Variants in DNAJC17 observed in about 807,000 individuals in gnomAD.
The protein encoded by DNAJC17 is dnaJ homolog subfamily C member 17.
A neutral mutation model predicts 48.1 loss-of-function variants in DNAJC17; 35 were observed. The observed-to-expected ratio is 0.73, with a 90% CI of 0.56 to 0.96. The LOEUF (loss-of-function observed/expected upper bound fraction) is 0.96, where lower values mean the gene tolerates loss of function less well. DNAJC17 is among the 50% of genes least tolerant of loss of function. The probability of loss-of-function intolerance (pLI) is 0.00; values close to 1 mark genes in which losing one functional copy is unlikely to be tolerated. For synonymous variants in DNAJC17, 117 were observed against 142.7 expected, an observed-to-expected ratio of 0.82 and a Z score of 1.28; for missense variants, 355 against 377.1, an observed-to-expected ratio of 0.94 and a Z score of 0.48.
intron 1 of DNAJC17, among the ~76,000 whole-genome samples, chr15:40,798,563 G>A (rs2141962945): frequency 6.6e-6 from 1 of 152,314 alleles, no homozygotes; most frequent in South Asian, 2.1e-4. Context: ...GAGGACTGAT[G>A]TGGCTGGAGC....
chr15:40,787,684 A>G (rs890975822), intron 1 of DNAJC17, among the ~76,000 whole-genome samples: 1 of 152,114 alleles, frequency 6.6e-6, no homozygotes, highest in South Asian at 2.1e-4. Context: ...CTGAACCCAG[A>G]GCAGGGGAGG....
chr15:40,807,182 C>G, intron 1 of DNAJC17, 187 bp downstream of exon 1: 1 of 1,426,404 alleles, frequency 7.0e-7, no homozygotes, highest in Non-Finnish European at 9.3e-7. Context: ...ACCCCGCTTC[C>G]TCTTGAGGCC....
At chr15:40,789,320 G>A (rs776530434) in intron 1 of DNAJC17, among the ~76,000 whole-genome samples, 13 of 144,350 alleles carry the variant, frequency 9.0e-5, no homozygotes, top group Non-Finnish European at 1.4e-4. Context: ...CCATCCCCCC[G>A]GATCTCATCT....
chr15:40,795,043 T>C (rs1889912485), intron 1 of DNAJC17, among the ~76,000 whole-genome samples: 1 of 151,976 alleles, frequency 6.6e-6, no homozygotes, highest in Admixed American at 6.6e-5. Context: ...TTTAGCCGAC[T>C]CTTGCTCCTC....
chr15:40,774,584 G>A lies in DNAJC17; in HGVS notation c.601-148C>T, dbSNP rs192475171. On this transcript the variant is annotated intron_variant, in intron 8 of 10. Coordinates refer to ENST00000220496, the MANE Select transcript of DNAJC17 (RefSeq NM_018163.3). ...TGCCCCACCTACTTATCTTAGTGAA[G>A]TGAGATCAGAGATAGGAAAGAAAGA... 87 of 838,998 alleles carry A rather than the reference G, an allele frequency of 1.0e-4. No homozygotes were observed. The East Asian group carries it at 2.1e-3, about 21-fold the overall frequency. The allele number at this position is 838,998 out of a possible 1,614,324, so 52.0% of individuals were successfully genotyped here. A position where few individuals can be genotyped will look rare whatever the true frequency, so the allele number is the denominator to read the frequency against.
chr15:40,775,755 G>A, intron 6 of DNAJC17, 159 bp from the exon 7 acceptor site: 1 of 736,660 alleles, frequency 1.4e-6, no homozygotes, highest in Non-Finnish European at 2.2e-6. Context: ...GAAAGCAGAT[G>A]CCCATCCCCA....
chr15:40,805,375 CAAAAAAAAAA>C (rs559577744), intron 1 of DNAJC17, among the ~76,000 whole-genome samples: 1 of 107,888 alleles, frequency 9.3e-6, no homozygotes. Context: ...TACTCTGTCT[CAAAAAAAAAA>C]AAAAAAAAAA....
intron 1 of DNAJC17, among the ~76,000 whole-genome samples, chr15:40,791,409 A>G (rs1479213745): frequency 6.6e-6 from 1 of 151,516 alleles, no homozygotes; most frequent in African/African-American, 2.4e-5. Flanking sequence ...GTGCCTGTAG[A>G]CCCAGCTACT....
rs1404060550 is a variant in DNAJC17, at chr15:40,774,450, G to T, written c.601-14C>A. On this transcript the variant is annotated splice_polypyrimidine_tract_variant and intron_variant, in intron 8 of 10. Transcript: ENST00000220496. ...AACCTCACCATACTGTGGGGACAAA[G>T]GGGTCCTAATAAGCATGACTTGGCC... 6.2e-7 allele frequency: 1 copy of T among 1,613,810 alleles called. No homozygotes were observed. The highest frequency in any genetic ancestry group is 8.5e-7 in the Non-Finnish European group (1 of 1,179,962).
At position 40,770,568 on chromosome 15, in the gene DNAJC17, C is replaced by A; in HGVS notation, c.793-2506G>T. 6.4e-7 allele frequency: 1 copy of A among 1,550,628 alleles called. No homozygotes were observed. The highest frequency in any genetic ancestry group is 8.7e-7 in the Non-Finnish European group (1 of 1,146,964). ...GCAGCTGAGCCTGGGGCGGCCACGG[C>A]GGCTCCGGCGACAGAGTAGTGTGCT... On this transcript the variant is annotated intron_variant, in intron 10 of 10. Coordinates refer to ENST00000220496, the MANE Select transcript of DNAJC17 (RefSeq NM_018163.3). The surrounding 1 kb of genome is among the most constrained non-coding windows in gnomAD (Gnocchi z 5.0).
intron 1 of DNAJC17, among the ~76,000 whole-genome samples, chr15:40,790,557 C>T (rs571516035): frequency 1.5e-4 from 23 of 151,906 alleles, no homozygotes; most frequent in African/African-American, 5.6e-4. Flanking sequence ...CCAGCCTGGG[C>T]GACACAGCGA....
chr15:40,807,317 A>C, intron 1 of DNAJC17, 52 bp downstream of exon 1: 1 of 1,614,184 alleles, frequency 6.2e-7, no homozygotes, highest in Non-Finnish European at 8.5e-7. Flanking sequence ...GCGCTAGGAC[A>C]GGAAGGACCG....
At chr15:40,788,903 G>GCCTGAAAGATTGAT (rs1229933824) in intron 1 of DNAJC17, among the ~76,000 whole-genome samples, 1 of 152,084 alleles carries the variant, frequency 6.6e-6, no homozygotes, top group African/African-American at 2.4e-5. Flanking sequence ...AGTTCCCTGT[G>GCCTGAAAGATTGAT]CCTGAAAGAT....
At position 40,765,862 on chromosome 15, in the gene DNAJC17, G is replaced by T. The variant is rs1485864650; in HGVS notation, c.*2078C>A. 1.3e-5 allele frequency: 20 copies of T among 1,584,712 alleles called. No homozygotes were observed. The highest frequency in any genetic ancestry group is 1.6e-5 in the Non-Finnish European group (19 of 1,160,938). On this transcript the variant is annotated 3_prime_UTR_variant, in exon 11 of 11. Coordinates refer to ENST00000220496, the MANE Select transcript of DNAJC17 (RefSeq NM_018163.3). Reference sequence around the variant, plus strand: ...CCACTATGGTGGGCGATGAACAGTCGGATCCAGAGCTGATGCAGCATCTGG... The same window carrying T: ...CCACTATGGTGGGCGATGAACAGTCTGATCCAGAGCTGATGCAGCATCTGG...
Position 40,767,321 on chromosome 15 carries a change from C to T in DNAJC17, c.*619G>A, listed in dbSNP as rs759847227. 2 of 1,602,792 alleles carry T rather than the reference C, an allele frequency of 1.2e-6. No individual in the cohort carries two copies. The highest frequency in any genetic ancestry group is 1.7e-6 in the Non-Finnish European group (2 of 1,175,120). On this transcript the variant is annotated 3_prime_UTR_variant, in exon 11 of 11. Coordinates refer to ENST00000220496, the MANE Select transcript of DNAJC17 (RefSeq NM_018163.3). ...CTGAGCATGACGGGGGTGGGCCAGA[C>T]GCTGGTGTGGTGTCTGCACAAGGAG...
In DNAJC17 at chr15:40,791,783, T is replaced by G. The variant is rs1889813951; in HGVS notation, c.79-11786A>C. On this transcript the variant is annotated intron_variant, in intron 1 of 10. Coordinates refer to ENST00000220496, the MANE Select transcript of DNAJC17 (RefSeq NM_018163.3). ...TCGCTTGAACTCAGGAGGCGGAGGT[T>G]GCAGTGAGCCAAGATCACGCCATTG... Among the ~76,000 whole-genome samples, 7 of 152,098 alleles carry G rather than the reference T, an allele frequency of 4.6e-5. No homozygotes were observed. In the South Asian group the frequency reaches 1.5e-3, roughly 32 times the overall value.
At chr15:40,777,747 A>G (rs1889372744) in intron 4 of DNAJC17, among the ~76,000 whole-genome samples, 3 of 152,014 alleles carry the variant, frequency 2.0e-5, no homozygotes, top group African/African-American at 4.8e-5. Context: ...TGCTTGGACC[A>G]TGCTGCTATA....
chr15:40,767,564 C>T lies in DNAJC17; in HGVS notation c.*376G>A, dbSNP rs1888978943. ...CCCGGTGCCCTGGTGCTCCCAGCTG[C>T]CCTCCTGCTTCGGGCCTGGGCCGAG... On this transcript the variant is annotated 3_prime_UTR_variant, in exon 11 of 11. Transcript: ENST00000220496. 4.9e-6 allele frequency: 3 copies of T among 615,722 alleles called. No homozygotes were observed. In the South Asian group the frequency reaches 7.1e-5, roughly 15 times the overall value. The allele number at this position is 615,722 out of a possible 1,614,324, so 38.1% of individuals were successfully genotyped here. A position where few individuals can be genotyped will look rare whatever the true frequency, so the allele number is the denominator to read the frequency against.
chr15:40,768,010 C>T lies in DNAJC17; in HGVS notation c.845G>A (p.Arg282His), dbSNP rs889236995. ...CAGCTGTTGCCGCTCGGCCGCCTGG[C>T]GCATGCGCATCATGACGAGGCTCTC... ...DYESLVMMRMRQAAERQQLIA... is the reference protein window; with the variant it reads ...DYESLVMMRMHQAAERQQLIA... The change falls in exon 11 of 11, where the codon CGC becomes CAC. Residue 282 changes from arginine (R) to histidine (H), a missense_variant. Physicochemically the swap from Arg to His is conservative, Grantham distance 29. Coordinates refer to ENST00000220496, the MANE Select transcript of DNAJC17 (RefSeq NM_018163.3). The T allele has an allele frequency of 3.1e-6, 5 of 1,602,564 alleles. No homozygotes were observed. The highest frequency in any genetic ancestry group is 1.1e-5 in the South Asian group (1 of 89,672).
Sources: allele counts gnomAD v4.1 joint callset (sites outside exome capture counted in the v4.1 genomes callset), GRCh38; gene constraint gnomAD v4.1.1; non-coding constraint Gnocchi (gnomAD v3.1); transcripts MANE v1.5; gene names NCBI Gene and HGNC (gene_info 2026-07-23, HGNC 2026-07-21).